The following DARS1 variants were observed in gnomAD, a reference collection of about 807,000 sequenced individuals.
DARS1 encodes the protein aspartyl-tRNA synthetase 1.
DARS1 carries 51 observed loss-of-function variants against 68.8 expected under a neutral mutation model. That is an observed-to-expected ratio of 0.74 (90% CI 0.59 to 0.94). DARS1 has a LOEUF of 0.94. Among genes scored for constraint, DARS1 ranks in the 40% least tolerant of loss-of-function variants. DARS1 has a pLI of 0.00. For synonymous variants in DARS1, 203 were observed against 190.4 expected (o/e 1.07, Z -0.55); for missense variants, 607 against 597.3 (o/e 1.02, Z -0.17).
At chr2:135,923,446 C>T (rs1249188363) in intron 8 of DARS1, among the ~76,000 whole-genome samples, 11 of 152,030 alleles carry the variant, frequency 7.2e-5, no homozygotes, top group Admixed American at 1.3e-4. Context: ...TCAACCACCG[C>T]GCCCGGCTAG....
chr2:135,924,618 A>C, intron 7 of DARS1, 120 bp from the exon 8 acceptor site: 1 of 1,400,522 alleles, frequency 7.1e-7, no homozygotes, highest in Non-Finnish European at 9.4e-7. Context: ...AAATTCTAAT[A>C]ATTGGAGAGA....
chr2:135,975,385 G>A (rs556133959), intron 3 of DARS1, among the ~76,000 whole-genome samples: 103 of 151,988 alleles, frequency 6.8e-4, no homozygotes, highest in African/African-American at 2.3e-3. Flanking sequence ...GCACAGACAT[G>A]AAAAGATATC....
chr2:135,963,720 C>T (rs1682150979), intron 3 of DARS1, among the ~76,000 whole-genome samples: 1 of 148,534 alleles, frequency 6.7e-6, no homozygotes, highest in Non-Finnish European at 1.5e-5. Context: ...CGCTCTGTTG[C>T]CCAGGCTGGA....
chr2:135,976,249 A>C (rs1682495365), intron 3 of DARS1, among the ~76,000 whole-genome samples: 1 of 152,220 alleles, frequency 6.6e-6, no homozygotes, highest in African/African-American at 2.4e-5. Context: ...TCTTGGGAGC[A>C]GAACAAGTGA....
intron 4 of DARS1, among the ~76,000 whole-genome samples, chr2:135,951,978 T>C (rs1203956468): frequency 6.6e-6 from 1 of 152,222 alleles, no homozygotes; most frequent in African/African-American, 2.4e-5. Context: ...TGGTGGCTCA[T>C]GCCTGTAGTC....
At chr2:135,937,526 GTTAATTAATCATTCT>G (rs766483094) in intron 5 of DARS1, among the ~76,000 whole-genome samples, 2 of 151,090 alleles carry the variant, frequency 1.3e-5, no homozygotes, top group Non-Finnish European at 3.0e-5. Flanking sequence ...CTAAGAATTA[GTTAATTAATCATTCT>G]TTAAAAGTAC....
chr2:135,957,464 C>T (rs558134618), intron 4 of DARS1, among the ~76,000 whole-genome samples: 9 of 152,210 alleles, frequency 5.9e-5, no homozygotes, highest in African/African-American at 1.4e-4. Context: ...GTGATCTGCC[C>T]GCCTCGGCCT....
At chr2:135,942,228 G>C (rs961216384) in intron 5 of DARS1, among the ~76,000 whole-genome samples, 1 of 151,904 alleles carries the variant, frequency 6.6e-6, no homozygotes, top group Non-Finnish European at 1.5e-5. Flanking sequence ...GGCACTATTC[G>C]CAATAGCAAA....
At chr2:135,939,803 C>G (rs1681556526) in intron 5 of DARS1, among the ~76,000 whole-genome samples, 1 of 151,880 alleles carries the variant, frequency 6.6e-6, no homozygotes, top group African/African-American at 2.4e-5. Context: ...CAAATAGATG[C>G]AATAAAAAAT....
intron 4 of DARS1, among the ~76,000 whole-genome samples, chr2:135,951,031 TTGA>T (rs10566195): frequency 0.023 from 3,490 of 152,242 alleles, 103 homozygotes; most frequent in African/African-American, 0.068. Context: ...ACTAGAAGTC[TTGA>T]TGAGGTCCAA....
chr2:135,911,258 TA>T, intron 14 of DARS1, 48 bp from the exon 15 acceptor site: 2 of 1,034,480 alleles, frequency 1.9e-6, no homozygotes, highest in Non-Finnish European at 3.0e-6. Flanking sequence ...TTATTTATCT[TA>T]AAAGGTCACA....
intron 3 of DARS1, among the ~76,000 whole-genome samples, chr2:135,978,409 T>C (rs1369037857): frequency 6.6e-6 from 1 of 152,214 alleles, no homozygotes; most frequent in Non-Finnish European, 1.5e-5. Context: ...CCAATTACTA[T>C]GAGACTTTGG....
chr2:135,910,993 A>C (rs1451835965), intron 15 of DARS1, 146 bp downstream of exon 15: 1 of 561,922 alleles, frequency 1.8e-6, no homozygotes, highest in Non-Finnish European at 3.2e-6. Flanking sequence ...ATAATATTTT[A>C]TAACACACAA....
At chr2:135,946,748 AT>A (rs1240397648) in intron 4 of DARS1, among the ~76,000 whole-genome samples, 3 of 152,300 alleles carry the variant, frequency 2.0e-5, no homozygotes, top group African/African-American at 7.2e-5. Flanking sequence ...AAATGGAGAC[AT>A]AAATCGGGGG....
chr2:135,934,725 A>C (rs1374330903), intron 5 of DARS1, among the ~76,000 whole-genome samples: 1 of 152,176 alleles, frequency 6.6e-6, no homozygotes, highest in African/African-American at 2.4e-5. Flanking sequence ...TGCTATAAGA[A>C]TCAAACAGAA....
chr2:135,959,596 C>G (rs1682058086), intron 4 of DARS1, among the ~76,000 whole-genome samples: 1 of 151,860 alleles, frequency 6.6e-6, no homozygotes, highest in African/African-American at 2.4e-5. Context: ...CTGATATAGT[C>G]AATCGCTGTT....
At chr2:135,927,213 GT>G (rs951194905) in intron 7 of DARS1, among the ~76,000 whole-genome samples, 1 of 152,046 alleles carries the variant, frequency 6.6e-6, no homozygotes, top group Non-Finnish European at 1.5e-5. Context: ...CAACTTATCA[GT>G]AAGATTACAG....
chr2:135,923,229 A>T (rs1184744080), intron 8 of DARS1, among the ~76,000 whole-genome samples: 2 of 152,130 alleles, frequency 1.3e-5, no homozygotes, highest in Non-Finnish European at 2.9e-5. Flanking sequence ...TAAAATGAAA[A>T]AATATATTCT....
intron 5 of DARS1, among the ~76,000 whole-genome samples, chr2:135,940,478 C>T (rs1453589626): frequency 6.6e-6 from 1 of 152,154 alleles, no homozygotes; most frequent in Non-Finnish European, 1.5e-5. Context: ...GCTAAAAACT[C>T]TTAATAAACT....
Sources: gnomAD v4.1 joint callset for allele counts (sites outside exome capture counted in the v4.1 genomes callset) on GRCh38, gnomAD v4.1.1 for gene constraint, MANE v1.5 for transcripts, NCBI Gene and HGNC (gene_info 2026-07-23, HGNC 2026-07-21) for gene names.